Variants in VWA8 observed in about 807,000 individuals in gnomAD.
The protein encoded by VWA8 is von Willebrand factor A domain containing 8.
In VWA8, 221 loss-of-function variants were observed where a neutral mutation model predicts 241.5. The ratio of observed to expected loss-of-function variants is 0.91; its 90% CI spans 0.82 to 1.02. The LOEUF (loss-of-function observed/expected upper bound fraction) is 1.02, where lower values mean the gene tolerates loss of function less well. VWA8 is among the 50% of genes least tolerant of loss of function. The probability of loss-of-function intolerance (pLI) is 0.00; values close to 1 mark genes in which losing one functional copy is unlikely to be tolerated. For synonymous variants in VWA8, 852 were observed against 827.1 expected (o/e 1.03, Z -0.52); for missense variants, 2,322 against 2,328.7 (o/e 1.00, Z 0.06).
chr13:41,634,747 T>C (rs964266089), intron 37 of VWA8, among the ~76,000 whole-genome samples: 9 of 152,234 alleles, frequency 5.9e-5, no homozygotes, highest in Non-Finnish European at 2.9e-5. Flanking sequence ...GCTCTAATTT[T>C]TTTCCTTTGG....
At chr13:41,840,007 G>A (rs556638632) in intron 12 of VWA8, among the ~76,000 whole-genome samples, 100 of 152,300 alleles carry the variant, frequency 6.6e-4, no homozygotes, top group African/African-American at 2.2e-3. Context: ...CCATGAGCAT[G>A]GAATGTTTTC....
chr13:41,742,766 C>A (rs548993227), intron 21 of VWA8, among the ~76,000 whole-genome samples: 1 of 152,156 alleles, frequency 6.6e-6, no homozygotes, highest in Non-Finnish European at 1.5e-5. Context: ...AAAGAACTCA[C>A]AAACACATGA....
chr13:41,956,074 G>C (rs1342828131), intron 1 of VWA8, among the ~76,000 whole-genome samples: 1 of 152,190 alleles, frequency 6.6e-6, no homozygotes, highest in Non-Finnish European at 1.5e-5. Flanking sequence ...TCTAACAGTA[G>C]CTTTGACAAA....
intron 2 of VWA8, among the ~76,000 whole-genome samples, chr13:41,931,149 A>AG (rs1491205155): frequency 2.1e-4 from 31 of 145,122 alleles, no homozygotes; most frequent in African/African-American, 7.2e-4. Context: ...ACTCCGTCTC[A>AG]GGGGAAAAAA....
chr13:41,790,388 CTTAT>C (rs376328040), intron 17 of VWA8, among the ~76,000 whole-genome samples: 17 of 151,932 alleles, frequency 1.1e-4, no homozygotes, highest in South Asian at 4.1e-4. Flanking sequence ...ACTCACTTTG[CTTAT>C]TTATTTATTT....
At chr13:41,734,897 A>T (rs148536357) in intron 21 of VWA8, among the ~76,000 whole-genome samples, 1,794 of 152,346 alleles carry the variant, frequency 0.012, 25 homozygotes, top group Admixed American at 0.025. Flanking sequence ...GTTATTGGTG[A>T]TTATAAACTT....
In VWA8 at chr13:41,816,788, A is replaced by G. The variant is rs1295961560; in HGVS notation, c.1870-13T>C. The G allele has an allele frequency of 2.5e-6, 4 of 1,595,662 alleles. No homozygotes were observed. Among genetic ancestry groups the G allele is most frequent in the East Asian group, 2.2e-5 (1 of 44,758 alleles). ...GTACATTTGGGACCTATTTTTTGAAAGAGTTGAGGACAAACAGAAGGAATA... is the reference window on the plus strand; with the variant it reads ...GTACATTTGGGACCTATTTTTTGAAGGAGTTGAGGACAAACAGAAGGAATA... On this transcript the variant is annotated splice_polypyrimidine_tract_variant and intron_variant, in intron 15 of 44. Coordinates refer to ENST00000379310, the MANE Select transcript of VWA8 (RefSeq NM_015058.2).
At position 41,885,457 on chromosome 13, in the gene VWA8, AGAC is replaced by A. The variant is rs139911607; in HGVS notation, c.975+460_975+462del. ...GCAATTGCTGTAGGTCTTTCTAAGAAGACGATCCTTGGGCTCTTGAAGCCACCC... is the reference window on the plus strand; with the variant it reads ...GCAATTGCTGTAGGTCTTTCTAAGAAGATCCTTGGGCTCTTGAAGCCACCC... On this transcript the variant is annotated intron_variant, in intron 8 of 44. Coordinates refer to ENST00000379310, the MANE Select transcript of VWA8 (RefSeq NM_015058.2). Among the ~76,000 whole-genome samples, 767 of 152,354 alleles carry A rather than the reference AGAC, an allele frequency of 5.0e-3. 8 individuals are homozygous for A. The highest frequency in any genetic ancestry group is 0.018 in the African/African-American group (731 of 41,572).
In VWA8 at chr13:41,727,178, T is replaced by G. The variant is rs562413750; in HGVS notation, c.2758+16A>C. 6.5e-7 allele frequency: 1 copy of G among 1,528,626 alleles called. No individual in the cohort carries two copies. The highest frequency in any genetic ancestry group is 8.8e-7 in the Non-Finnish European group (1 of 1,133,688). The allele number at this position is 1,528,626 out of a possible 1,614,324, so 94.7% of individuals were successfully genotyped here. On this transcript the variant is annotated intron_variant, in intron 24 of 44. Coordinates refer to ENST00000379310, the MANE Select transcript of VWA8 (RefSeq NM_015058.2). ...ATTACTGCTATTGGTATTGTTATTA[T>G]CATTACTGTTTTTACCTAAGGTACC...
chr13:41,661,507 C>G (rs2044949910), intron 37 of VWA8, among the ~76,000 whole-genome samples: 2 of 152,250 alleles, frequency 1.3e-5, no homozygotes, highest in South Asian at 4.1e-4. Context: ...TATGTAACCT[C>G]TCTGGGCCTT....
chr13:41,622,187 T>G (rs1299710605), intron 37 of VWA8, among the ~76,000 whole-genome samples: 1 of 152,160 alleles, frequency 6.6e-6, no homozygotes, highest in Non-Finnish European at 1.5e-5. Flanking sequence ...GGACACCTCT[T>G]ACATCAATTG....
chr13:41,837,024 G>A (rs1308693044), intron 12 of VWA8, among the ~76,000 whole-genome samples: 2 of 144,564 alleles, frequency 1.4e-5, no homozygotes, highest in East Asian at 2.1e-4. Flanking sequence ...AAACACACAC[G>A]TGCAGATAGA....
chr13:41,761,198 C>G lies in VWA8; in HGVS notation c.2356G>C (p.Gly786Arg), dbSNP rs1397123690. 6.2e-7 allele frequency: 1 copy of G among 1,611,016 alleles called. No homozygotes were observed. The highest frequency in any genetic ancestry group is 2.2e-5 in the East Asian group (1 of 44,738). The change falls in exon 21 of 45, where the codon GGA becomes CGA. Residue 786 changes from glycine (G) to arginine (R), a missense_variant. Transcript: ENST00000379310. ...AATCTGTCAACAATCTTGTTTTTTC[C>G]TACACCCTGTAATTACACAGAAAAC... ...HLLLVGNQGVGKNKIVDRFLH... is the reference protein window; with the variant it reads ...HLLLVGNQGVRKNKIVDRFLH...
intron 30 of VWA8, 67 bp from the exon 31 acceptor site, chr13:41,692,005 A>G (rs2045181704): frequency 9.8e-7 from 1 of 1,018,554 alleles, no homozygotes; most frequent in South Asian, 1.4e-5. Context: ...CTCTTTAGCT[A>G]CTTCCCCTTA....
intron 12 of VWA8, among the ~76,000 whole-genome samples, chr13:41,842,791 A>T (rs190316640): frequency 1.3e-5 from 2 of 152,284 alleles, no homozygotes; most frequent in East Asian, 3.9e-4. Context: ...TAGAAACATC[A>T]TTTCTTAAAG....
At chr13:41,747,692 G>T (rs1316547797) in intron 21 of VWA8, among the ~76,000 whole-genome samples, 1 of 152,090 alleles carries the variant, frequency 6.6e-6, no homozygotes, top group East Asian at 1.9e-4. Flanking sequence ...CAAAGGGAAT[G>T]CTTCCAGTTT....
intron 36 of VWA8, among the ~76,000 whole-genome samples, chr13:41,674,228 A>G (rs913757461): frequency 1.3e-5 from 2 of 152,158 alleles, no homozygotes; most frequent in Non-Finnish European, 2.9e-5. Context: ...TATTTGTGCT[A>G]TCATGCCGAG....
Position 41,850,943 on chromosome 13 carries a change from T to G in VWA8, c.1425+14793A>C, listed in dbSNP as rs566434101. The stretch of plus-strand genomic sequence containing the variant: ...GCTAAAGAGAACACAGGCTACTAAA[T>G]GATATCAGGAAAACAATATACAAAC... On this transcript the variant is annotated intron_variant, in intron 12 of 44. Transcript: ENST00000379310. Among the ~76,000 whole-genome samples the G allele has an allele frequency of 2.6e-5, 4 of 152,212 alleles. No homozygotes were observed. In the East Asian group the frequency reaches 7.7e-4, roughly 29 times the overall value.
intron 17 of VWA8, among the ~76,000 whole-genome samples, chr13:41,799,694 C>A (rs901699995): frequency 1.3e-5 from 2 of 152,166 alleles, no homozygotes; most frequent in Non-Finnish European, 2.9e-5. Flanking sequence ...GCCTCTTTGG[C>A]AGCCATGATA....
Sources: gnomAD v4.1 joint callset for allele counts (sites outside exome capture counted in the v4.1 genomes callset) on GRCh38, gnomAD v4.1.1 for gene constraint, MANE v1.5 for transcripts, NCBI Gene and HGNC (gene_info 2026-07-23, HGNC 2026-07-21) for gene names.